The following CAMKK2 variants were observed in gnomAD, a reference collection of about 807,000 sequenced individuals.
CAMKK2 encodes the protein calcium/calmodulin-dependent protein kinase kinase 2.
Under a neutral mutation model 67.2 loss-of-function variants are expected in CAMKK2, and 30 were observed. That is an observed-to-expected ratio of 0.45 (90% CI 0.33 to 0.61). CAMKK2 has a LOEUF of 0.61. Ranked by LOEUF, CAMKK2 falls within the 20% of genes least tolerant of loss-of-function variation. The probability of loss-of-function intolerance (pLI) is 0.02; values close to 1 mark genes in which losing one functional copy is unlikely to be tolerated. For missense variants in CAMKK2, 643 were observed against 802.0 expected (o/e 0.80, Z 2.39); for synonymous variants, 322 against 326.2 (o/e 0.99, Z 0.14).
intron 1 of CAMKK2, among the ~76,000 whole-genome samples, chr12:121,276,897 C>CG (rs1462987225): frequency 6.6e-4 from 21 of 31,732 alleles, no homozygotes; most frequent in East Asian, 1.4e-3. Context: ...AAAAAAAGGG[C>CG]GGGGTGGGGG....
At chr12:121,260,497 A>C in intron 6 of CAMKK2, 142 bp from the exon 7 acceptor site, 5 of 715,616 alleles carry the variant, frequency 7.0e-6, no homozygotes, top group Non-Finnish European at 1.2e-5. Context: ...TTTCCCAGTT[A>C]AGATGGAAGA....
intron 5 of CAMKK2, among the ~76,000 whole-genome samples, chr12:121,264,646 C>T (rs569040959): frequency 1.1e-3 from 169 of 152,014 alleles, no homozygotes; most frequent in Non-Finnish European, 2.0e-3. Flanking sequence ...TGGTGGTGGG[C>T]GCCTGTAGTC....
chr12:121,290,458 C>A (rs191591195), intron 1 of CAMKK2, among the ~76,000 whole-genome samples: 7 of 152,286 alleles, frequency 4.6e-5, no homozygotes, highest in Admixed American at 1.3e-4. Flanking sequence ...GAGGCCAAGG[C>A]AGGAGGATCA....
In CAMKK2 at chr12:121,250,054, A is replaced by G. The variant is rs2136196696; in HGVS notation, c.1162-20T>C. On this transcript the variant is annotated intron_variant, in intron 11 of 16. Transcript: ENST00000404169. ...TGGGCACTGCAAAGAGGCCAGGGAC[A>G]GAGTGGCAGTCAATGGCGGCCACAT... The G allele has an allele frequency of 6.2e-7, 1 of 1,602,078 alleles. No homozygotes were observed. Among genetic ancestry groups the G allele is most frequent in the Non-Finnish European group, 8.5e-7 (1 of 1,172,164 alleles).
rs779769050 is a variant in CAMKK2 at position 121,285,358 on chromosome 12, C to G, written c.-59-10773G>C. 3.3e-5 allele frequency among the ~76,000 whole-genome samples: 5 copies of G among 152,156 alleles called. No homozygotes were observed. The highest frequency in any genetic ancestry group is 5.9e-5 in the Non-Finnish European group (4 of 68,038). On this transcript the variant is annotated intron_variant, in intron 1 of 16. Coordinates refer to ENST00000404169, the MANE Select transcript of CAMKK2 (RefSeq NM_001270485.2). This position sits in a 1 kb window ranked among gnomAD's most constrained non-coding sequence, Gnocchi z 4.1. Reference sequence around the variant, plus strand: ...CCTCTACTATAAATACAGAAATTAGCCAGGTATGGTGGCGCATGCCTGTTA... The same window carrying G: ...CCTCTACTATAAATACAGAAATTAGGCAGGTATGGTGGCGCATGCCTGTTA...
chr12:121,244,965 G>A (rs765297238), intron 15 of CAMKK2, among the ~76,000 whole-genome samples, 175 bp downstream of exon 15: 4 of 152,230 alleles, frequency 2.6e-5, no homozygotes, highest in Non-Finnish European at 5.9e-5. Context: ...AAAAGGAGGT[G>A]GGCTGAGCCC....
intron 1 of CAMKK2, among the ~76,000 whole-genome samples, chr12:121,276,141 CAGAG>C: frequency 7.6e-6 from 1 of 130,752 alleles, no homozygotes; most frequent in Non-Finnish European, 1.6e-5. Flanking sequence ...GCCTGGATGA[CAGAG>C]TGAGACTCCA....
intron 15 of CAMKK2, 76 bp from the exon 16 acceptor site, chr12:121,244,691 C>A: frequency 1.6e-6 from 2 of 1,231,976 alleles, no homozygotes; most frequent in Non-Finnish European, 2.3e-6. Context: ...TTCCCCCACC[C>A]TGAGACACTC....
intron 6 of CAMKK2, among the ~76,000 whole-genome samples, chr12:121,260,900 C>G (rs1004825492): frequency 1.3e-5 from 2 of 151,118 alleles, no homozygotes; most frequent in Non-Finnish European, 2.9e-5. Context: ...TTGCAGTGAG[C>G]CACGATCACG....
upstream of CAMKK2, chr12:121,297,638 C>CT (rs541562845): frequency 1.9e-5 from 10 of 517,604 alleles, no homozygotes; most frequent in Non-Finnish European, 3.5e-5. Context: ...CTGAACCGTC[C>CT]TACGGGGTCG....
At chr12:121,277,356 A>G (rs150315864) in intron 1 of CAMKK2, among the ~76,000 whole-genome samples, 4 of 152,354 alleles carry the variant, frequency 2.6e-5, no homozygotes, top group Non-Finnish European at 5.9e-5. Flanking sequence ...TAGAGTTGCC[A>G]TATAACCAGC....
chr12:121,272,780 G>A (rs1367436693), intron 2 of CAMKK2, among the ~76,000 whole-genome samples: 1 of 151,982 alleles, frequency 6.6e-6, no homozygotes, highest in African/African-American at 2.4e-5. Flanking sequence ...AGCTGAGGGA[G>A]GAGAATAGCT....
At chr12:121,275,937 G>A (rs1896711391) in intron 1 of CAMKK2, among the ~76,000 whole-genome samples, 1 of 152,160 alleles carries the variant, frequency 6.6e-6, no homozygotes, top group Non-Finnish European at 1.5e-5. Flanking sequence ...CAGGGCGGGT[G>A]GATCATGAGG....
At chr12:121,261,045 C>A (rs945898614) in intron 6 of CAMKK2, among the ~76,000 whole-genome samples, 1 of 146,006 alleles carries the variant, frequency 6.8e-6, no homozygotes, top group African/African-American at 2.4e-5. Flanking sequence ...AGTGACTCCA[C>A]GAAGCCTCCC....
At chr12:121,264,810 A>AATAATAATC (rs1241003532) in intron 5 of CAMKK2, among the ~76,000 whole-genome samples, 1 of 147,428 alleles carries the variant, frequency 6.8e-6, no homozygotes, top group Non-Finnish European at 1.5e-5. Context: ...TAATAATAAT[A>AATAATAATC]ATCACAAAAA....
chr12:121,253,535 CG>C lies in CAMKK2; in HGVS notation c.908-64del. On this transcript the variant is annotated intron_variant, in intron 9 of 16. Transcript: ENST00000404169. This position sits in a 1 kb window ranked among gnomAD's most constrained non-coding sequence, Gnocchi z 5.0. Reference sequence around the variant, plus strand: ...GGAAAACCTCGTGAGCACCTCTATGCGGCCACATGGCCTGGAGACACAGGCA... The same window carrying C: ...GGAAAACCTCGTGAGCACCTCTATGCGCCACATGGCCTGGAGACACAGGCA... 7.3e-7 allele frequency: 1 copy of C among 1,371,532 alleles called. No individual in the cohort carries two copies. The allele number at this position is 1,371,532 out of a possible 1,614,324, so 85.0% of individuals were successfully genotyped here.
Position 121,274,416 on chromosome 12 carries a change from C to T in CAMKK2, c.111G>A (p.Leu37=). 2 of 1,613,232 alleles carry T rather than the reference C, an allele frequency of 1.2e-6. No individual in the cohort carries two copies. The highest frequency in any genetic ancestry group is 1.7e-6 in the Non-Finnish European group (2 of 1,179,936). Reference sequence around the variant, plus strand: ...GGATGCTCAAGGATGAGAGGCCCCGCAGGGCCTCACAGGGCTTCTGGCTTT... The same window carrying T: ...GGATGCTCAAGGATGAGAGGCCCCGTAGGGCCTCACAGGGCTTCTGGCTTT... ...SSESQKPCEA[L]RGLSSLSIHL... Residue 37 remains leucine (L), a synonymous_variant, in exon 2 of 17, where the codon CTG becomes CTA. Coordinates refer to ENST00000404169, the MANE Select transcript of CAMKK2 (RefSeq NM_001270485.2).
chr12:121,264,229 T>G (rs1319617887), intron 5 of CAMKK2, among the ~76,000 whole-genome samples: 2 of 152,222 alleles, frequency 1.3e-5, no homozygotes, highest in African/African-American at 4.8e-5. Context: ...GCAACTGCAG[T>G]CTAGCTCAGC....
chr12:121,256,454 A>C (rs1892316717), intron 7 of CAMKK2, among the ~76,000 whole-genome samples: 1 of 152,198 alleles, frequency 6.6e-6, no homozygotes. Context: ...AGTGGCATTT[A>C]GTATATTCAC....
Sources: gnomAD v4.1 joint callset for allele counts (sites outside exome capture counted in the v4.1 genomes callset) on GRCh38, gnomAD v4.1.1 for gene constraint, Gnocchi (gnomAD v3.1) non-coding constraint, MANE v1.5 for transcripts, NCBI Gene and HGNC (gene_info 2026-07-23, HGNC 2026-07-21) for gene names.